The following CORO1C variants were observed in gnomAD, a reference collection of about 807,000 sequenced individuals.
CORO1C encodes the protein coronin-1C.
CORO1C carries 14 observed loss-of-function variants against 51.2 expected under a neutral mutation model. That is an observed-to-expected ratio of 0.27 (90% CI 0.18 to 0.43). The LOEUF is 0.43. Ranked by LOEUF, CORO1C falls within the 20% of genes least tolerant of loss-of-function variation. The probability of loss-of-function intolerance (pLI) is 1.00; values close to 1 mark genes in which losing one functional copy is unlikely to be tolerated. For missense variants in CORO1C, 417 were observed against 607.8 expected (o/e 0.69, Z 3.30); for synonymous variants, 181 against 210.5 (o/e 0.86, Z 1.21).
At chr12:108,652,221 T>C (rs753356066) in intron 8 of CORO1C, 51 bp downstream of exon 8, 23 of 1,561,300 alleles carry the variant, frequency 1.5e-5, no homozygotes, top group Non-Finnish European at 2.0e-5. Flanking sequence ...GTACAAATAA[T>C]TGTCACACAG....
intron 3 of CORO1C, among the ~76,000 whole-genome samples, chr12:108,662,601 T>C (rs10861957): frequency 0.56 from 85,511 of 151,908 alleles, 24,899 homozygotes; most frequent in East Asian, 0.99. Flanking sequence ...AGTTCAAAAC[T>C]CTCCAGTTAG....
intron 1 of CORO1C, among the ~76,000 whole-genome samples, chr12:108,726,130 G>A (rs2035583833): frequency 2.0e-5 from 3 of 152,156 alleles, no homozygotes; most frequent in Admixed American, 6.5e-5. Context: ...ACCACGCCCG[G>A]CATGAAATAT....
chr12:108,682,550 G>A (rs1391832920), intron 2 of CORO1C, among the ~76,000 whole-genome samples: 5 of 152,082 alleles, frequency 3.3e-5, no homozygotes, highest in Admixed American at 6.5e-5. Context: ...TAAGGCAAAC[G>A]TTGACAGAAC....
chr12:108,692,873 C>T (rs981294812), intron 2 of CORO1C, among the ~76,000 whole-genome samples: 1 of 145,252 alleles, frequency 6.9e-6, no homozygotes. Flanking sequence ...TCTCAGCTCA[C>T]TGCAACCTCT....
At chr12:108,696,328 A>G (rs1261116860) in intron 2 of CORO1C, 1 of 151,800 alleles carries the variant, frequency 6.6e-6, no homozygotes, top group Non-Finnish European at 1.5e-5. Flanking sequence ...GATCAAGAGC[A>G]TATAATTCTT....
intron 1 of CORO1C, among the ~76,000 whole-genome samples, chr12:108,727,425 G>A (rs2035618932): frequency 6.6e-6 from 1 of 152,154 alleles, no homozygotes; most frequent in African/African-American, 2.4e-5. Context: ...TCAGGGAGTG[G>A]CACTAGAGAT....
chr12:108,702,835 T>C, intron 1 of CORO1C: 1 of 1,535,338 alleles, frequency 6.5e-7, no homozygotes. Context: ...TCTCCAATGC[T>C]GGGGGCATGT....
intron 1 of CORO1C, among the ~76,000 whole-genome samples, chr12:108,705,459 CAAAAA>C (rs1163703701): frequency 1.6e-5 from 1 of 63,400 alleles, no homozygotes; most frequent in African/African-American, 6.3e-5. Flanking sequence ...GACCCTGTCT[CAAAAA>C]AAAAAAAAAA....
At chr12:108,677,060 CCAAA>C (rs2033933149) in intron 3 of CORO1C, among the ~76,000 whole-genome samples, 1 of 152,102 alleles carries the variant, frequency 6.6e-6, no homozygotes, top group Non-Finnish European at 1.5e-5. Flanking sequence ...ATAAAGCTTT[CCAAA>C]CAATGTTTCA....
intron 6 of CORO1C, among the ~76,000 whole-genome samples, chr12:108,654,897 A>C (rs1188214569): frequency 3.3e-5 from 5 of 151,892 alleles, no homozygotes; most frequent in Admixed American, 1.3e-4. Flanking sequence ...GTAGACACAG[A>C]GTTTCACCAT....
At position 108,689,032 on chromosome 12, in the gene CORO1C, GA is replaced by G. The variant is rs11449783; in HGVS notation, c.196-10639del. ...GGCGACAGAATGAGACTCTGTCTCA[GA>G]AAAAAAAAAAAAAAAAATTAGCCGG... On this transcript the variant is annotated intron_variant, in intron 2 of 10. Transcript: ENST00000261401. Among the ~76,000 whole-genome samples, 674 of 110,342 alleles carry G rather than the reference GA, an allele frequency of 6.1e-3. 7 individuals are homozygous for G. The highest frequency in any genetic ancestry group is 0.016 in the African/African-American group (441 of 27,788). The allele number at this position is 110,342 out of a possible 152,430, so 72.4% of individuals were successfully genotyped here.
intron 1 of CORO1C, among the ~76,000 whole-genome samples, chr12:108,713,331 C>T (rs1464258668): frequency 6.6e-6 from 1 of 152,068 alleles, no homozygotes; most frequent in African/African-American, 2.4e-5. Context: ...TATGAATAGC[C>T]TTGATGTTGG....
At chr12:108,674,792 C>G (rs1387855681) in intron 3 of CORO1C, among the ~76,000 whole-genome samples, 1 of 152,158 alleles carries the variant, frequency 6.6e-6, no homozygotes. Flanking sequence ...GGAGTTGTTC[C>G]TTATGGATAA....
At chr12:108,694,279 C>CAAAAAAAAAAAAAAAAA (rs60647143) in intron 2 of CORO1C, among the ~76,000 whole-genome samples, 1 of 66,228 alleles carries the variant, frequency 1.5e-5, no homozygotes, top group Admixed American at 1.9e-4. Flanking sequence ...AAGACTGTCT[C>CAAAAAAAAAAAAAAAAA]AAAAAAAAAA....
chr12:108,674,242 C>T (rs1009165146), intron 3 of CORO1C, among the ~76,000 whole-genome samples: 8 of 152,120 alleles, frequency 5.3e-5, no homozygotes, highest in African/African-American at 1.9e-4. Context: ...ATAGTGATTC[C>T]CCTGATGGAT....
intron 5 of CORO1C, among the ~76,000 whole-genome samples, chr12:108,657,803 T>C (rs890123219): frequency 1.3e-5 from 2 of 152,252 alleles, no homozygotes; most frequent in Non-Finnish European, 2.9e-5. Flanking sequence ...ACCAATATCA[T>C]AGGGCAGAAA....
intron 6 of CORO1C, among the ~76,000 whole-genome samples, chr12:108,656,251 C>T (rs1314799645): frequency 1.3e-5 from 2 of 150,664 alleles, no homozygotes; most frequent in South Asian, 2.1e-4. Context: ...AAGTGAGGAG[C>T]GTCTCTGCCC....
At chr12:108,660,004 G>C (rs2033188910) in intron 4 of CORO1C, among the ~76,000 whole-genome samples, 2 of 152,206 alleles carry the variant, frequency 1.3e-5, no homozygotes, top group South Asian at 4.1e-4. Flanking sequence ...TTAAAAAGAG[G>C]CAGCATGTGT....
chr12:108,649,849 A>G (rs1270230002), intron 8 of CORO1C, among the ~76,000 whole-genome samples: 1 of 152,198 alleles, frequency 6.6e-6, no homozygotes, highest in East Asian at 1.9e-4. Context: ...GCTGGTGTGC[A>G]AGGGGGGAGT....
Sources: gnomAD v4.1 joint callset for allele counts (sites outside exome capture counted in the v4.1 genomes callset) on GRCh38, gnomAD v4.1.1 for gene constraint, MANE v1.5 for transcripts, NCBI Gene and HGNC (gene_info 2026-07-23, HGNC 2026-07-21) for gene names.